Variants in RBFOX1 observed in about 807,000 individuals in gnomAD.
The protein encoded by RBFOX1 is RNA binding fox-1 homolog 1, also known as RNA binding protein fox-1 homolog 1.
Under a neutral mutation model 57.7 loss-of-function variants are expected in RBFOX1, and 8 were observed. That is an observed-to-expected ratio of 0.14 (90% CI 0.08 to 0.25). RBFOX1 has a LOEUF of 0.25. Ranked by LOEUF, RBFOX1 falls within the 10% of genes least tolerant of loss-of-function variation. The pLI is 1.00. For synonymous variants in RBFOX1, 326 were observed against 222.4 expected (o/e 1.47, Z -4.15); for missense variants, 611 against 548.5 (o/e 1.11, Z -1.14).
intron 4 of RBFOX1, among the ~76,000 whole-genome samples, chr16:7,476,608 C>A (rs569499935): frequency 6.6e-6 from 1 of 152,318 alleles, no homozygotes; most frequent in Non-Finnish European, 1.5e-5. Context: ...GAAATGAAGT[C>A]TTCGGCATCT....
intron 1 of RBFOX1, among the ~76,000 whole-genome samples, chr16:5,464,313 T>C (rs933871215): frequency 1.3e-5 from 2 of 152,212 alleles, no homozygotes; most frequent in Non-Finnish European, 2.9e-5. Flanking sequence ...CCAGATGCCA[T>C]GGTGAATGAT....
At chr16:6,491,036 G>T (rs1047070899) in intron 2 of RBFOX1, among the ~76,000 whole-genome samples, 1 of 152,042 alleles carries the variant, frequency 6.6e-6, no homozygotes, top group Non-Finnish European at 1.5e-5. Context: ...ACATAACCAA[G>T]ACTACCCAGT....
intron 4 of RBFOX1, among the ~76,000 whole-genome samples, chr16:7,359,429 G>GA (rs1167276660): frequency 6.6e-6 from 1 of 152,134 alleles, no homozygotes; most frequent in African/African-American, 2.4e-5. Context: ...TGATACTAGG[G>GA]AAAATAATTT....
At chr16:7,618,320 T>A (rs1436305305) in intron 10 of RBFOX1, among the ~76,000 whole-genome samples, 1 of 152,182 alleles carries the variant, frequency 6.6e-6, no homozygotes, top group African/African-American at 2.4e-5. Flanking sequence ...AGTCTTATAA[T>A]TAAGACTTGT....
chr16:6,162,473 G>C (rs1041434762), intron 1 of RBFOX1, among the ~76,000 whole-genome samples: 1 of 152,074 alleles, frequency 6.6e-6, no homozygotes, highest in African/African-American at 2.4e-5. Flanking sequence ...TTTTTAAGTG[G>C]GTGGTGCATC....
At chr16:5,820,853 A>G (rs2055823365) in intron 3 of RBFOX1, among the ~76,000 whole-genome samples, 1 of 152,142 alleles carries the variant, frequency 6.6e-6, no homozygotes, top group Non-Finnish European at 1.5e-5. Context: ...AGGAAATTTC[A>G]TCTCAATTTC....
At chr16:6,138,782 G>A (rs1041334863) in intron 1 of RBFOX1, among the ~76,000 whole-genome samples, 3 of 152,132 alleles carry the variant, frequency 2.0e-5, no homozygotes, top group African/African-American at 4.8e-5. Flanking sequence ...CAGGAGAATC[G>A]CTGGAACCCA....
intron 4 of RBFOX1, among the ~76,000 whole-genome samples, chr16:7,226,214 T>C (rs1451600365): frequency 2.0e-5 from 3 of 152,144 alleles, no homozygotes; most frequent in African/African-American, 4.8e-5. Context: ...CCTGAGCCAG[T>C]TACTCAAGTC....
At chr16:5,705,825 TC>T (rs1258647413) in intron 3 of RBFOX1, among the ~76,000 whole-genome samples, 2 of 152,228 alleles carry the variant, frequency 1.3e-5, no homozygotes, top group African/African-American at 4.8e-5. Flanking sequence ...TATTATCATA[TC>T]CGTAGTGGCT....
chr16:6,436,801 A>G (rs998311357), intron 2 of RBFOX1, among the ~76,000 whole-genome samples: 2 of 152,156 alleles, frequency 1.3e-5, no homozygotes, highest in African/African-American at 2.4e-5. Context: ...TAGACACAAA[A>G]TGGTACACGT....
At chr16:5,480,868 C>G (rs951794710) in intron 2 of RBFOX1, among the ~76,000 whole-genome samples, 3 of 152,166 alleles carry the variant, frequency 2.0e-5, no homozygotes, top group East Asian at 1.9e-4. Context: ...CACTGATTTG[C>G]TCTTAGAAGC....
chr16:5,984,936 G>A (rs1376924154), intron 4 of RBFOX1, among the ~76,000 whole-genome samples: 1 of 129,610 alleles, frequency 7.7e-6, no homozygotes, highest in African/African-American at 3.1e-5. Context: ...ACCTGTATAG[G>A]GCAACTCCAT....
At chr16:7,224,208 A>G (rs1162911054) in intron 4 of RBFOX1, among the ~76,000 whole-genome samples, 2 of 147,738 alleles carry the variant, frequency 1.4e-5, no homozygotes, top group African/African-American at 4.9e-5. Context: ...TATAATGGGA[A>G]GAGTTCCATG....
At chr16:5,322,935 T>C (rs2064454260) in intron 1 of RBFOX1, among the ~76,000 whole-genome samples, 1 of 152,192 alleles carries the variant, frequency 6.6e-6, no homozygotes, top group African/African-American at 2.4e-5. Context: ...AGAACTTCTT[T>C]TGTCCTCAGA....
intron 3 of RBFOX1, among the ~76,000 whole-genome samples, chr16:7,003,032 T>G (rs1346566612): frequency 7.1e-6 from 1 of 140,506 alleles, no homozygotes; most frequent in African/African-American, 2.6e-5. Context: ...TTTCTTCTTC[T>G]TTTTTCTCTG....
intron 11 of RBFOX1, among the ~76,000 whole-genome samples, chr16:7,646,285 T>G (rs557272012): frequency 6.6e-6 from 1 of 152,332 alleles, no homozygotes; most frequent in African/African-American, 2.4e-5. Flanking sequence ...TTATTTCGCC[T>G]CAGTATGTTA....
rs531817084 is a variant in RBFOX1, at chr16:7,388,796, C to G, written c.28-129351C>G. On this transcript the variant is annotated intron_variant, in intron 4 of 15. Coordinates refer to ENST00000550418, the MANE Select transcript of RBFOX1 (RefSeq NM_018723.4). Reference sequence around the variant, plus strand: ...TTAGATGAGTTTGTCCAAATGTAGGCTAATATAAGTGTTTTGAGCTTCTTT... The same window carrying G: ...TTAGATGAGTTTGTCCAAATGTAGGGTAATATAAGTGTTTTGAGCTTCTTT... Among the ~76,000 whole-genome samples, 11 of 151,848 alleles carry G rather than the reference C, an allele frequency of 7.2e-5. No homozygotes were observed. The East Asian group carries it at 7.8e-4, about 11-fold the overall frequency.
chr16:7,568,876 C>G (rs2092439036), intron 5 of RBFOX1, among the ~76,000 whole-genome samples: 1 of 74,218 alleles, frequency 1.3e-5, no homozygotes, highest in Non-Finnish European at 2.4e-5. Flanking sequence ...GATAGAGACT[C>G]TGTCTCAAAA....
intron 3 of RBFOX1, among the ~76,000 whole-genome samples, chr16:6,786,710 T>A (rs1461001268): frequency 6.6e-6 from 1 of 152,162 alleles, no homozygotes. Context: ...ACCCTAGCAC[T>A]ACGGTGCTCC....
Sources: gnomAD v4.1 joint callset for allele counts (sites outside exome capture counted in the v4.1 genomes callset) on GRCh38, gnomAD v4.1.1 for gene constraint, MANE v1.5 for transcripts, NCBI Gene and HGNC (gene_info 2026-07-23, HGNC 2026-07-21) for gene names.